The following LHCGR variants were observed in gnomAD, a reference collection of about 807,000 sequenced individuals.
LHCGR encodes the protein luteinizing hormone/choriogonadotropin receptor, also known as lutropin-choriogonadotropic hormone receptor.
LHCGR carries 55 observed loss-of-function variants against 60.7 expected under a neutral mutation model. That is an observed-to-expected ratio of 0.91 (90% CI 0.73 to 1.13). The LOEUF (loss-of-function observed/expected upper bound fraction) is 1.13. LHCGR is among the 50% of genes most tolerant of loss of function. The pLI, the probability that LHCGR is intolerant of heterozygous loss-of-function variation, is 0.00. For synonymous variants in LHCGR, 337 were observed against 316.5 expected, an observed-to-expected ratio of 1.06 and a Z score of -0.69; for missense variants, 862 against 836.0, an observed-to-expected ratio of 1.03 and a Z score of -0.38.
chr2:48,737,415 T>C (rs1669247662), intron 1 of LHCGR, among the ~76,000 whole-genome samples: 1 of 152,240 alleles, frequency 6.6e-6, no homozygotes, highest in Non-Finnish European at 1.5e-5. Context: ...CAAAAGAATT[T>C]GGTGTTTTTG....
intron 6 of LHCGR, chr2:48,721,064 C>T (rs1668473719): frequency 2.0e-5 from 3 of 152,256 alleles, no homozygotes; most frequent in African/African-American, 7.2e-5. Context: ...CTAGGTACCA[C>T]ACACTCTCAT....
rs982692252 is a variant in LHCGR at position 48,688,906 on chromosome 2, C to A, written c.948-57G>T. 1 of 1,512,000 alleles carries A rather than the reference C, an allele frequency of 6.6e-7. No individual in the cohort carries two copies. Among genetic ancestry groups the A allele is most frequent in the South Asian group, 1.1e-5 (1 of 88,184 alleles). The allele number at this position is 1,512,000 out of a possible 1,614,324, so 93.7% of individuals were successfully genotyped here. On this transcript the variant is annotated intron_variant, in intron 10 of 10. Coordinates refer to ENST00000294954, the MANE Select transcript of LHCGR (RefSeq NM_000233.4). The surrounding 1 kb of genome is among the most constrained non-coding windows in gnomAD (Gnocchi z 5.2). ...GATTTTCTCTGAGTATTAAAAAATT[C>A]AAGAATTATGTTTCTTTAAAGGCAA...
Position 48,704,279 on chromosome 2 carries a change from G to A in LHCGR, c.680+4669C>T, listed in dbSNP as rs540224729. On this transcript the variant is annotated intron_variant, in intron 8 of 10. Coordinates refer to ENST00000294954, the MANE Select transcript of LHCGR (RefSeq NM_000233.4). ...GGATAAGCTTTTTCATGTGCTGCTGGATTTGGTTTGCCAGTATTTTATGGA... is the reference window on the plus strand; with the variant it reads ...GGATAAGCTTTTTCATGTGCTGCTGAATTTGGTTTGCCAGTATTTTATGGA... Among the ~76,000 whole-genome samples, 8 of 152,306 alleles carry A rather than the reference G, an allele frequency of 5.3e-5. No homozygotes were observed. In the South Asian group the frequency reaches 1.7e-3, roughly 32 times the overall value.
chr2:48,729,255 G>A (rs1423694106), intron 2 of LHCGR, 28 bp from the exon 3 acceptor site: 8 of 1,522,204 alleles, frequency 5.3e-6, no homozygotes, highest in Non-Finnish European at 7.3e-6. Context: ...GGGAAAAAGA[G>A]AAAGAAACAT....
intron 1 of LHCGR, among the ~76,000 whole-genome samples, chr2:48,749,513 A>G (rs146539553): frequency 2.0e-5 from 3 of 152,274 alleles, no homozygotes; most frequent in East Asian, 1.9e-4. Flanking sequence ...AACTGGCTTT[A>G]AAACCTCAAG....
intron 8 of LHCGR, 32 bp downstream of exon 8, chr2:48,708,916 G>A: frequency 1.3e-6 from 2 of 1,571,742 alleles, no homozygotes; most frequent in Non-Finnish European, 8.8e-7. Flanking sequence ...GGTACACTGG[G>A]CAGGGAGGGG....
At chr2:48,749,119 G>C (rs1669839631) in intron 1 of LHCGR, among the ~76,000 whole-genome samples, 1 of 152,216 alleles carries the variant, frequency 6.6e-6, no homozygotes, top group Non-Finnish European at 1.5e-5. Context: ...GTTGAGTTTT[G>C]TTTATAAATT....
At chr2:48,731,852 T>C (rs1176792739) in intron 1 of LHCGR, among the ~76,000 whole-genome samples, 1 of 152,156 alleles carries the variant, frequency 6.6e-6, no homozygotes, top group African/African-American at 2.4e-5. Context: ...GAAGATTCAT[T>C]AAGAACATGC....
At chr2:48,753,637 C>T (rs535359928) in intron 1 of LHCGR, among the ~76,000 whole-genome samples, 13 of 152,284 alleles carry the variant, frequency 8.5e-5, no homozygotes, top group African/African-American at 3.1e-4. Context: ...AAAAAATTTA[C>T]TTCAGCCTTT....
At chr2:48,736,954 C>G (rs1669227488) in intron 1 of LHCGR, among the ~76,000 whole-genome samples, 1 of 152,140 alleles carries the variant, frequency 6.6e-6, no homozygotes, top group Non-Finnish European at 1.5e-5. Flanking sequence ...GTAGGTTTCT[C>G]ACCTCCCCTT....
intron 1 of LHCGR, among the ~76,000 whole-genome samples, chr2:48,750,731 C>G (rs1432022653): frequency 6.6e-6 from 1 of 152,100 alleles, no homozygotes; most frequent in East Asian, 1.9e-4. Context: ...TTCTGGGAAC[C>G]CTGAGTTGAA....
chr2:48,693,716 C>T (rs957865514), intron 10 of LHCGR, among the ~76,000 whole-genome samples: 2 of 152,194 alleles, frequency 1.3e-5, no homozygotes, highest in East Asian at 3.8e-4. Context: ...AAAAGTTAGT[C>T]AGTAAAACAG....
chr2:48,723,719 G>A (rs1259897235), intron 4 of LHCGR, 23 bp from the exon 5 acceptor site: 1 of 1,556,294 alleles, frequency 6.4e-7, no homozygotes, highest in Middle Eastern at 1.7e-4. Context: ...ACAGGATAGT[G>A]GTGTGGGCAG....
intron 10 of LHCGR, among the ~76,000 whole-genome samples, chr2:48,691,829 GA>G (rs1278162446): frequency 7.4e-6 from 1 of 135,890 alleles, no homozygotes; most frequent in Non-Finnish European, 1.5e-5. Flanking sequence ...CTAAGTGACA[GA>G]CTGAGATTCT....
chr2:48,755,675 C>G lies in LHCGR; in HGVS notation c.-4G>C. 1 of 1,535,026 alleles carries G rather than the reference C, an allele frequency of 6.5e-7. No individual in the cohort carries two copies. Among genetic ancestry groups the G allele is most frequent in the Non-Finnish European group, 8.7e-7 (1 of 1,146,430 alleles). ...GCGCCGAGAACCGCTGCTTCATGGC[C>G]GGCGAACTGGGCTTCTGCGGCTTGC... On this transcript the variant is annotated 5_prime_UTR_variant, in exon 1 of 11. Coordinates refer to ENST00000294954, the MANE Select transcript of LHCGR (RefSeq NM_000233.4).
At chr2:48,749,688 C>T (rs1010732575) in intron 1 of LHCGR, among the ~76,000 whole-genome samples, 3 of 150,590 alleles carry the variant, frequency 2.0e-5, no homozygotes, top group African/African-American at 7.3e-5. Context: ...GAACTGGAGC[C>T]CTGAATTAAT....
chr2:48,687,732 C>T lies in LHCGR; in HGVS notation c.2065G>A (p.Ala689Thr), dbSNP rs369169911. ...GTGTAGCGAGTCTTGTCTAGGAGAG[C>T]TGTACCTTGACAGTGCAATGTGGAC... ...KLSTLHCQGTALLDKTRYTEC is the reference protein window; with the variant it reads ...KLSTLHCQGTTLLDKTRYTEC The change falls in exon 11 of 11, where the codon GCT (alanine) becomes ACT (threonine). Residue 689 changes from alanine (A) to threonine (T), a missense_variant. Physicochemically the swap from Ala to Thr is moderately conservative, Grantham distance 58 (BLOSUM62 0). Coordinates refer to ENST00000294954, the MANE Select transcript of LHCGR (RefSeq NM_000233.4). 1.7e-5 allele frequency: 28 copies of T among 1,613,958 alleles called. No homozygotes were observed. The African/African-American group carries it at 3.5e-4, about 20-fold the overall frequency.
intron 1 of LHCGR, among the ~76,000 whole-genome samples, chr2:48,743,690 A>C (rs1207855111): frequency 6.6e-6 from 1 of 152,192 alleles, no homozygotes. Context: ...GATGGGACGT[A>C]TCTCAAAATA....
intron 10 of LHCGR, among the ~76,000 whole-genome samples, chr2:48,691,323 A>T (rs1454829023): frequency 6.6e-6 from 1 of 152,220 alleles, no homozygotes. Context: ...AAAAGAAAAT[A>T]TGTTAGAGTA....
Sources: gnomAD v4.1 joint callset for allele counts (sites outside exome capture counted in the v4.1 genomes callset) on GRCh38, gnomAD v4.1.1 for gene constraint, Gnocchi (gnomAD v3.1) non-coding constraint, MANE v1.5 for transcripts, NCBI Gene and HGNC (gene_info 2026-07-23, HGNC 2026-07-21) for gene names.